The following NUP54 variants were observed in gnomAD, a reference collection of about 807,000 sequenced individuals.
The protein encoded by NUP54 is nucleoporin p54.
A neutral mutation model predicts 66.4 loss-of-function variants in NUP54; 27 were observed. The observed-to-expected ratio is 0.41, with a 90% CI of 0.30 to 0.56. The LOEUF (loss-of-function observed/expected upper bound fraction) is 0.56. NUP54 is among the 20% of genes least tolerant of loss of function. The pLI, the probability that NUP54 is intolerant of heterozygous loss-of-function variation, is 0.34. For missense variants in NUP54, 486 were observed against 596.3 expected, an observed-to-expected ratio of 0.82 and a Z score of 1.93; for synonymous variants, 206 against 210.7, an observed-to-expected ratio of 0.98 and a Z score of 0.19.
chr4:76,135,099 G>A (rs1454302453), intron 4 of NUP54, among the ~76,000 whole-genome samples: 1 of 152,018 alleles, frequency 6.6e-6, no homozygotes, highest in African/African-American at 2.4e-5. Context: ...ATATAAAGAA[G>A]TAATTTACAA....
chr4:76,143,449 C>T (rs1292341901), intron 3 of NUP54, among the ~76,000 whole-genome samples: 2 of 152,068 alleles, frequency 1.3e-5, no homozygotes, highest in Non-Finnish European at 2.9e-5. Flanking sequence ...ACTAAAAATA[C>T]AAAAATTAGC....
intron 3 of NUP54, among the ~76,000 whole-genome samples, chr4:76,137,364 A>G (rs1241741340): frequency 2.0e-5 from 3 of 152,078 alleles, no homozygotes; most frequent in Non-Finnish European, 4.4e-5. Flanking sequence ...TTAAACCTAC[A>G]CATGAAAGAA....
intron 1 of NUP54, chr4:76,145,774 G>C (rs1578699269): frequency 7.5e-6 from 2 of 266,092 alleles, no homozygotes; most frequent in South Asian, 6.9e-5. Context: ...ATTTATTTCT[G>C]GTATACAACA....
intron 8 of NUP54, among the ~76,000 whole-genome samples, chr4:76,128,418 TAACTC>T (rs1358627489): frequency 1.9e-5 from 2 of 106,720 alleles, no homozygotes; most frequent in East Asian, 6.0e-4. Context: ...AAAGTCCAAA[TAACTC>T]AAAAGAAAGC....
rs776144643 is a variant in NUP54 at position 76,136,392 on chromosome 4, G to T, written c.316C>A (p.Gln106Lys). The T allele has an allele frequency of 6.2e-7, 1 of 1,613,220 alleles. No individual in the cohort carries two copies. Among genetic ancestry groups the T allele is most frequent in the Non-Finnish European group, 8.5e-7 (1 of 1,179,522 alleles). The change falls in exon 4 of 12, where the codon CAG (glutamine) becomes AAG (lysine). Residue 106 changes from glutamine (Q) to lysine (K), a missense_variant. Transcript: ENST00000264883. Reference sequence around the variant, plus strand: ...GACTGGGTAGGAGCTTGTGTAGGCTGACTGAAGAGACCACCTAATGCTAAA... The same window carrying T: ...GACTGGGTAGGAGCTTGTGTAGGCTTACTGAAGAGACCACCTAATGCTAAA... ...QQTTLGGLFS[Q>K]PTQAPTQSNQ...
intron 4 of NUP54, among the ~76,000 whole-genome samples, chr4:76,135,900 C>T (rs980463268): frequency 2.6e-5 from 4 of 152,188 alleles, no homozygotes; most frequent in African/African-American, 9.7e-5. Flanking sequence ...TTTGGTGTCT[C>T]CCCTTTACAG....
intron 3 of NUP54, among the ~76,000 whole-genome samples, chr4:76,140,285 G>GT (rs35963995): frequency 0.13 from 16,631 of 130,144 alleles, 1,321 homozygotes; most frequent in East Asian, 0.34. Flanking sequence ...TTTCTCTTTG[G>GT]TTTTTTTTTT....
intron 3 of NUP54, among the ~76,000 whole-genome samples, chr4:76,141,812 T>C (rs903548302): frequency 1.3e-5 from 2 of 152,208 alleles, no homozygotes; most frequent in African/African-American, 4.8e-5. Flanking sequence ...TAGTAAAACA[T>C]ATAAGGCACG....
intron 9 of NUP54, among the ~76,000 whole-genome samples, chr4:76,120,398 A>G (rs1006461466): frequency 1.4e-5 from 2 of 147,226 alleles, no homozygotes; most frequent in East Asian, 2.0e-4. Flanking sequence ...ATTTTTCCCA[A>G]CCGCATGAGT....
intron 3 of NUP54, among the ~76,000 whole-genome samples, chr4:76,140,173 A>T (rs973525582): frequency 2.6e-5 from 4 of 152,176 alleles, no homozygotes; most frequent in African/African-American, 9.7e-5. Context: ...GCAGGAGGTT[A>T]TAAGATCCTG....
Position 76,118,152 on chromosome 4 carries a change from T to C in NUP54, c.1207A>G (p.Ile403Val), listed in dbSNP as rs1730037900. 1 of 1,613,580 alleles carries C rather than the reference T, an allele frequency of 6.2e-7. No individual in the cohort carries two copies. Among genetic ancestry groups the C allele is most frequent in the Non-Finnish European group, 8.5e-7 (1 of 1,179,518 alleles). ...CGCAACTGCTCTTCATCAGCCTGAA[T>C]GGCATAACCACTCTTCCTTTGAATT... is the stretch of plus-strand genomic sequence containing the variant. ...QEIQRKSGYA[I>V]QADEEQLRVQ... The change falls in exon 10 of 12, where the codon ATT (isoleucine) becomes GTT (valine). Residue 403 changes from isoleucine to valine, a missense_variant. By Grantham distance (29) the Ile-to-Val change is conservative. Coordinates refer to ENST00000264883, the MANE Select transcript of NUP54 (RefSeq NM_017426.4).
At chr4:76,147,695 G>C in intron 1 of NUP54, 3 of 1,213,612 alleles carry the variant, frequency 2.5e-6, no homozygotes, top group South Asian at 1.3e-5. Context: ...GAGGGAAAAA[G>C]AAAAGAAAGC....
chr4:76,143,776 A>G (rs1411101565), intron 3 of NUP54, among the ~76,000 whole-genome samples: 3 of 152,184 alleles, frequency 2.0e-5, no homozygotes, highest in Non-Finnish European at 1.5e-5. Flanking sequence ...TGGTAGGGAA[A>G]TGTGGTAGGC....
intron 4 of NUP54, among the ~76,000 whole-genome samples, chr4:76,135,788 T>C (rs1731014280): frequency 6.6e-6 from 1 of 152,226 alleles, no homozygotes; most frequent in Non-Finnish European, 1.5e-5. Context: ...TGGGCAATAT[T>C]GTTTTAATAG....
intron 1 of NUP54, 83 bp downstream of exon 1, chr4:76,148,225 C>T (rs1426568939): frequency 6.0e-6 from 6 of 997,664 alleles, no homozygotes; most frequent in Non-Finnish European, 8.0e-6. Flanking sequence ...TTCCAGGATC[C>T]CCAGGTCGGA....
At chr4:76,130,608 T>A (rs1339063497) in intron 8 of NUP54, 48 bp downstream of exon 8, 1 of 1,228,214 alleles carries the variant, frequency 8.1e-7, no homozygotes, top group African/African-American at 1.5e-5. Context: ...ATGTCTATAA[T>A]CCCTTTCCCT....
chr4:76,141,498 G>A (rs1025385054), intron 3 of NUP54, among the ~76,000 whole-genome samples: 15 of 152,112 alleles, frequency 9.9e-5, no homozygotes, highest in African/African-American at 3.1e-4. Flanking sequence ...GGATCCTTCA[G>A]TTACGCCACC....
intron 9 of NUP54, among the ~76,000 whole-genome samples, chr4:76,120,003 T>G (rs1376629259): frequency 6.6e-6 from 1 of 152,192 alleles, no homozygotes; most frequent in Admixed American, 6.5e-5. Flanking sequence ...TTAAGAAGTA[T>G]AGCTCTAATT....
At chr4:76,126,808 CA>C (rs1322333125) in intron 8 of NUP54, among the ~76,000 whole-genome samples, 1 of 152,136 alleles carries the variant, frequency 6.6e-6, no homozygotes, top group Admixed American at 6.5e-5. Flanking sequence ...TCAATTCCCA[CA>C]AATTAGTCTT....
Sources: gnomAD v4.1 joint callset for allele counts (sites outside exome capture counted in the v4.1 genomes callset) on GRCh38, gnomAD v4.1.1 for gene constraint, MANE v1.5 for transcripts, NCBI Gene and HGNC (gene_info 2026-07-23, HGNC 2026-07-21) for gene names.